The following VWA8 variants were observed in gnomAD, a reference collection of about 807,000 sequenced individuals.
VWA8 encodes the protein von Willebrand factor A domain-containing protein 8.
A neutral mutation model predicts 241.5 loss-of-function variants in VWA8; 221 were observed. The ratio of observed to expected loss-of-function variants is 0.91; its 90% CI spans 0.82 to 1.02. The LOEUF (loss-of-function observed/expected upper bound fraction) is 1.02. Among genes scored for constraint, VWA8 ranks in the 50% least tolerant of loss-of-function variants. The probability of loss-of-function intolerance (pLI) is 0.00; values close to 1 mark genes in which losing one functional copy is unlikely to be tolerated. For synonymous variants in VWA8, 852 were observed against 827.1 expected (o/e 1.03, Z -0.52); for missense variants, 2,322 against 2,328.7 (o/e 1.00, Z 0.06).
chr13:41,590,669 A>G lies in VWA8; in HGVS notation c.5083T>C (p.Tyr1695His). Reference protein sequence around the residue: ...IDGLTGEKAIYKRRGELEPQL... With the variant: ...IDGLTGEKAIHKRRGELEPQL... ...GGCTCCAGCTCACCCCGACGTTTGT[A>G]GATGGCTTTTTCTCCAGTCAGCCCA... Residue 1695 changes from tyrosine to histidine, a missense_variant, in exon 41 of 45, where the codon TAC becomes CAC. By Grantham distance (83) the Tyr-to-His change is moderately conservative (BLOSUM62 2). Coordinates refer to ENST00000379310, the MANE Select transcript of VWA8 (RefSeq NM_015058.2). The G allele has an allele frequency of 6.2e-7, 1 of 1,614,120 alleles. No homozygotes were observed. Among genetic ancestry groups the G allele is most frequent in the Non-Finnish European group, 8.5e-7 (1 of 1,179,998 alleles).
chr13:41,675,462 TCA>T (rs1593689980), intron 35 of VWA8, among the ~76,000 whole-genome samples, 166 bp from the exon 36 acceptor site: 1 of 152,146 alleles, frequency 6.6e-6, no homozygotes, highest in East Asian at 1.9e-4. Context: ...TATGCTTCCC[TCA>T]GGGAAGCATA....
At chr13:41,572,166 G>A (rs560920402) in intron 43 of VWA8, among the ~76,000 whole-genome samples, 13 of 151,696 alleles carry the variant, frequency 8.6e-5, no homozygotes, top group Admixed American at 3.3e-4. Flanking sequence ...GCCCCGTCCG[G>A]GAGGGAGGTG....
chr13:41,571,297 T>TCCTCCCTCTCCCTC (rs2044300428), intron 43 of VWA8, among the ~76,000 whole-genome samples: 1 of 140,180 alleles, frequency 7.1e-6, no homozygotes, highest in Non-Finnish European at 1.5e-5. Flanking sequence ...CCCTCTCCCG[T>TCCTCCCTCTCCCTC]CTCCCTCTCC....
chr13:41,911,454 A>G (rs931952124), intron 3 of VWA8, among the ~76,000 whole-genome samples: 7 of 152,216 alleles, frequency 4.6e-5, no homozygotes, highest in Non-Finnish European at 1.0e-4. Flanking sequence ...TTAAGAGGAC[A>G]ACATGTCAGA....
intron 40 of VWA8, among the ~76,000 whole-genome samples, chr13:41,596,580 TTTGTA>T (rs2044489524): frequency 6.6e-6 from 1 of 152,102 alleles, no homozygotes; most frequent in African/African-American, 2.4e-5. Flanking sequence ...GTCCATCTGT[TTTGTA>T]TTATACATAA....
chr13:41,866,109 A>C (rs1013824852), intron 10 of VWA8, 73 bp from the exon 11 acceptor site: 10 of 1,560,326 alleles, frequency 6.4e-6, no homozygotes, highest in Non-Finnish European at 8.7e-6. Context: ...ACACTTTGGG[A>C]GGCCAAGGCA....
chr13:41,837,223 A>G (rs1871781775), intron 12 of VWA8, among the ~76,000 whole-genome samples: 1 of 152,178 alleles, frequency 6.6e-6, no homozygotes, highest in South Asian at 2.1e-4. Flanking sequence ...AATTTCTAAT[A>G]AACCTTTGCA....
rs556898409 is a variant in VWA8 at position 41,575,607 on chromosome 13, A to G, written c.5370+133T>C. The G allele has an allele frequency of 1.3e-5, 8 of 611,338 alleles. No homozygotes were observed. The African/African-American group carries it at 1.5e-4, about 11-fold the overall frequency. 37.9% of individuals were successfully genotyped at this position (611,338 alleles called of 1,614,324 possible). A position where few individuals can be genotyped will look rare whatever the true frequency, so the allele number is the denominator to read the frequency against. ...TTTTAGGCATGATGGGTGTTTTCTC[A>G]GTTCAATACTTGAATGTGTGTGAAA... On this transcript the variant is annotated intron_variant, in intron 43 of 44. Transcript: ENST00000379310.
intron 15 of VWA8, 102 bp from the exon 16 acceptor site, chr13:41,816,877 A>ATT (rs1870721028): frequency 1.1e-6 from 1 of 919,826 alleles, no homozygotes; most frequent in Non-Finnish European, 1.7e-6. Context: ...TTAGAATTAC[A>ATT]TTTTTAGAAA....
At chr13:41,762,512 T>C (rs1314779205) in intron 20 of VWA8, among the ~76,000 whole-genome samples, 1 of 152,174 alleles carries the variant, frequency 6.6e-6, no homozygotes, top group Non-Finnish European at 1.5e-5. Flanking sequence ...CATTATGGAA[T>C]ATCTTTCTTT....
At chr13:41,574,035 A>G (rs1276201161) in intron 43 of VWA8, among the ~76,000 whole-genome samples, 1 of 152,336 alleles carries the variant, frequency 6.6e-6, no homozygotes, top group South Asian at 2.1e-4. Context: ...CCTGCTGTGA[A>G]TATTATGCAT....
intron 40 of VWA8, among the ~76,000 whole-genome samples, chr13:41,599,416 T>G (rs2044508056): frequency 6.6e-6 from 1 of 152,178 alleles, no homozygotes; most frequent in Non-Finnish European, 1.5e-5. Flanking sequence ...AAGCAGATGT[T>G]TTCTAAAAAT....
intron 44 of VWA8, among the ~76,000 whole-genome samples, chr13:41,569,840 T>G (rs563164410): frequency 8.5e-5 from 13 of 152,314 alleles, no homozygotes; most frequent in Non-Finnish European, 1.5e-4. Context: ...GATCATAAGA[T>G]TCTCTATTGA....
chr13:41,587,163 A>G (rs915018510), intron 42 of VWA8, among the ~76,000 whole-genome samples: 2 of 152,150 alleles, frequency 1.3e-5, no homozygotes, highest in African/African-American at 2.4e-5. Flanking sequence ...GGTGGACTCA[A>G]ACTTTGGAAG....
intron 1 of VWA8, among the ~76,000 whole-genome samples, chr13:41,956,892 GTAA>G (rs1210005007): frequency 1.3e-5 from 2 of 152,138 alleles, no homozygotes; most frequent in Non-Finnish European, 2.9e-5. Flanking sequence ...AATAATGGAT[GTAA>G]TAATTATAAA....
intron 26 of VWA8, among the ~76,000 whole-genome samples, chr13:41,707,813 A>G (rs983870127): frequency 6.6e-6 from 1 of 152,104 alleles, no homozygotes; most frequent in Non-Finnish European, 1.5e-5. Flanking sequence ...TCCTTGGTGA[A>G]ATCCTTCTTA....
intron 26 of VWA8, among the ~76,000 whole-genome samples, chr13:41,705,190 T>G (rs1182324143): frequency 6.6e-6 from 1 of 152,010 alleles, no homozygotes; most frequent in Non-Finnish European, 1.5e-5. Context: ...CACACACACT[T>G]TTGAATCTAT....
chr13:41,606,731 G>A (rs150134113), intron 39 of VWA8, among the ~76,000 whole-genome samples: 11 of 152,258 alleles, frequency 7.2e-5, no homozygotes, highest in African/African-American at 2.4e-4. Flanking sequence ...GGGGGAGAGC[G>A]CCAGAGGCTT....
intron 21 of VWA8, among the ~76,000 whole-genome samples, chr13:41,738,041 C>A (rs1267230514): frequency 6.6e-6 from 1 of 151,904 alleles, no homozygotes; most frequent in Non-Finnish European, 1.5e-5. Flanking sequence ...ACATAGAACA[C>A]TGAAGAAATA....
Sources: allele counts gnomAD v4.1 joint callset (sites outside exome capture counted in the v4.1 genomes callset), GRCh38; gene constraint gnomAD v4.1.1; transcripts MANE v1.5; gene names NCBI Gene and HGNC (gene_info 2026-07-23, HGNC 2026-07-21).